ZBTB44: variants seen among roughly 807,000 people sequenced by gnomAD.
The protein encoded by ZBTB44 is zinc finger and BTB domain containing 44, also known as zinc finger and BTB domain-containing protein 44.
ZBTB44 carries 15 observed loss-of-function variants against 54.0 expected under a neutral mutation model. That is an observed-to-expected ratio of 0.28 (90% CI 0.19 to 0.43). ZBTB44 has a LOEUF of 0.43. Among genes scored for constraint, ZBTB44 ranks in the 20% least tolerant of loss-of-function variants. ZBTB44 has a pLI of 1.00. For missense variants in ZBTB44, 487 were observed against 707.1 expected, an observed-to-expected ratio of 0.69 and a Z score of 3.53; for synonymous variants, 230 against 250.1, an observed-to-expected ratio of 0.92 and a Z score of 0.76.
chr11:130,228,670 G>A lies in ZBTB44; in HGVS notation c.*3094C>T, dbSNP rs1953769043. On this transcript the variant is annotated 3_prime_UTR_variant, in exon 8 of 8. Coordinates refer to ENST00000357899, the MANE Select transcript of ZBTB44 (RefSeq NM_001301098.2). The stretch of plus-strand genomic sequence containing the variant: ...CCTTCCTCAGCAGGTGATGTACTTT[G>A]GTAACCTCAACATTCATTTATGGGA... 6.6e-6 allele frequency: 1 copy of A among 152,068 alleles called. No homozygotes were observed. The highest frequency in any genetic ancestry group is 1.5e-5 in the Non-Finnish European group (1 of 68,014). The allele number at this position is 152,068 out of a possible 1,614,324, so 9.4% of individuals were successfully genotyped here.
At chr11:130,238,713 T>C in intron 3 of ZBTB44, 106 bp from the exon 4 acceptor site, 1 of 1,199,318 alleles carries the variant, frequency 8.3e-7, no homozygotes, top group Non-Finnish European at 1.1e-6. Context: ...CTTAAAGACT[T>C]TTTGAAACAG....
At chr11:130,283,247 T>A (rs1940671812) in intron 1 of ZBTB44, among the ~76,000 whole-genome samples, 4 of 151,868 alleles carry the variant, frequency 2.6e-5, no homozygotes, top group Admixed American at 2.6e-4. Context: ...GGTTTTGCCA[T>A]GTTGGCTAGG....
chr11:130,268,655 T>G (rs1292552614), intron 1 of ZBTB44, among the ~76,000 whole-genome samples: 1 of 152,066 alleles, frequency 6.6e-6, no homozygotes, highest in African/African-American at 2.4e-5. Flanking sequence ...CTTGGCTCAC[T>G]GCAACCTCCG....
chr11:130,251,040 A>T (rs905972317), intron 2 of ZBTB44, among the ~76,000 whole-genome samples: 1 of 152,206 alleles, frequency 6.6e-6, no homozygotes, highest in Non-Finnish European at 1.5e-5. Context: ...GGAAGCTAAG[A>T]ACCTTGACAA....
chr11:130,246,753 A>G (rs1954663777), intron 2 of ZBTB44, among the ~76,000 whole-genome samples: 1 of 152,240 alleles, frequency 6.6e-6, no homozygotes, highest in African/African-American at 2.4e-5. Flanking sequence ...TCCAACATTC[A>G]GAAACAGGCT....
In ZBTB44 at chr11:130,288,449, T is replaced by G. The variant is rs574666800; in HGVS notation, c.-57+25926A>C. ...AGTAGGTAGCCTCTGGAAAACTCCA[T>G]TGTATATCTAAGAATAAGAAAGAAA... On this transcript the variant is annotated intron_variant, in intron 1 of 7. Transcript: ENST00000357899. Among the ~76,000 whole-genome samples, 16 of 152,006 alleles carry G rather than the reference T, an allele frequency of 1.1e-4. No homozygotes were observed. The East Asian group carries it at 2.9e-3, about 28-fold the overall frequency.
At chr11:130,296,935 A>G in intron 1 of ZBTB44, 2 of 738,848 alleles carry the variant, frequency 2.7e-6, no homozygotes, top group South Asian at 1.5e-5. Context: ...AATGAAGGCA[A>G]GCAGAAAAAG....
At chr11:130,296,609 G>C in intron 1 of ZBTB44, 1 of 885,712 alleles carries the variant, frequency 1.1e-6, no homozygotes, top group Non-Finnish European at 1.9e-6. Context: ...AGGCCTAAAT[G>C]GGAGAAGACA....
rs1335721701 is a variant in ZBTB44, at chr11:130,314,370, G to C, written c.-57+5C>G. On this transcript the variant is annotated splice_donor_5th_base_variant and intron_variant, in intron 1 of 7. Transcript: ENST00000357899. Reference sequence around the variant, plus strand: ...GACCGGAGCCCGCCCTCCCCTCCCCGTTACCTGCGGGCGGCGGCGCCGGGC... The same window carrying C: ...GACCGGAGCCCGCCCTCCCCTCCCCCTTACCTGCGGGCGGCGGCGCCGGGC... 1 of 153,134 alleles carries C rather than the reference G, an allele frequency of 6.5e-6. No homozygotes were observed. 9.5% of individuals were successfully genotyped at this position (153,134 alleles called of 1,614,324 possible).
intron 1 of ZBTB44, among the ~76,000 whole-genome samples, chr11:130,282,996 T>G: frequency 6.6e-6 from 1 of 150,764 alleles, no homozygotes; most frequent in East Asian, 1.9e-4. Flanking sequence ...TTTTTAATTG[T>G]GGTTAAAAAA....
chr11:130,245,533 C>T (rs961080841), intron 2 of ZBTB44, among the ~76,000 whole-genome samples: 2 of 152,166 alleles, frequency 1.3e-5, no homozygotes, highest in East Asian at 1.9e-4. Context: ...AGTATTAAAG[C>T]GTACAGACAA....
intron 1 of ZBTB44, chr11:130,310,353 TGA>T (rs1379541817): frequency 1.3e-5 from 2 of 152,230 alleles, no homozygotes; most frequent in East Asian, 1.9e-4. Context: ...GGTTGCCTAA[TGA>T]GAGAAGTGGC....
intron 3 of ZBTB44, 73 bp from the exon 4 acceptor site, chr11:130,238,680 T>G: frequency 7.4e-7 from 1 of 1,355,700 alleles, no homozygotes; most frequent in Non-Finnish European, 9.6e-7. Flanking sequence ...ATAGGTCAAT[T>G]TTAAATGAAA....
intron 2 of ZBTB44, among the ~76,000 whole-genome samples, chr11:130,251,457 T>C (rs1303509421): frequency 6.6e-6 from 1 of 152,122 alleles, no homozygotes; most frequent in African/African-American, 2.4e-5. Context: ...ATCATTAAGA[T>C]ACTCCTCGAG....
At chr11:130,310,603 A>G (rs772134058) in intron 1 of ZBTB44, 1 of 152,222 alleles carries the variant, frequency 6.6e-6, no homozygotes, top group Admixed American at 6.5e-5. Context: ...GTGGCTTCAC[A>G]TAACATAATT....
chr11:130,254,364 A>G, intron 2 of ZBTB44, among the ~76,000 whole-genome samples: 1 of 152,148 alleles, frequency 6.6e-6, no homozygotes, highest in East Asian at 1.9e-4. Flanking sequence ...ACTCAAACAA[A>G]TTTACAAGAA....
intron 3 of ZBTB44, 116 bp from the exon 4 acceptor site, chr11:130,238,723 G>T: frequency 1.9e-6 from 2 of 1,072,204 alleles, no homozygotes; most frequent in South Asian, 2.2e-5. Context: ...TTTTGAAACA[G>T]TTTAACTGTT....
chr11:130,305,031 C>T (rs939080660), intron 1 of ZBTB44, among the ~76,000 whole-genome samples: 6 of 152,090 alleles, frequency 3.9e-5, no homozygotes, highest in Admixed American at 3.9e-4. Flanking sequence ...AATTAAAATA[C>T]TTAGGAATAT....
chr11:130,231,884 G>A (rs1003175957), intron 7 of ZBTB44, 169 bp from the exon 8 acceptor site: 1 of 152,130 alleles, frequency 6.6e-6, no homozygotes, highest in Non-Finnish European at 1.5e-5. Flanking sequence ...ACTATATGAA[G>A]TATTATAGTC....
Sources: gnomAD v4.1 joint callset for allele counts (sites outside exome capture counted in the v4.1 genomes callset) on GRCh38, gnomAD v4.1.1 for gene constraint, MANE v1.5 for transcripts, NCBI Gene and HGNC (gene_info 2026-07-23, HGNC 2026-07-21) for gene names.